The following COG5 variants were observed in gnomAD, a reference collection of about 807,000 sequenced individuals.
COG5 encodes component of oligomeric golgi complex 5.
Under a neutral mutation model 110.4 loss-of-function variants are expected in COG5, and 86 were observed. The ratio of observed to expected loss-of-function variants is 0.78; its 90% confidence interval spans 0.65 to 0.93. The LOEUF (loss-of-function observed/expected upper bound fraction) is 0.93, where lower values mean the gene tolerates loss of function less well. Ranked by LOEUF, COG5 falls within the 40% of genes least tolerant of loss-of-function variation. COG5 has a pLI of 0.00. For missense variants in COG5, 1,077 were observed against 987.0 expected, an observed-to-expected ratio of 1.09 and a Z score of -1.22; for synonymous variants, 360 against 334.6, an observed-to-expected ratio of 1.08 and a Z score of -0.83.
chr7:107,216,625 A>T (rs1171650984), intron 19 of COG5, among the ~76,000 whole-genome samples: 1 of 152,256 alleles, frequency 6.6e-6, no homozygotes, highest in African/African-American at 2.4e-5. Flanking sequence ...ATATGTGGAA[A>T]TTAAACAACA....
At chr7:107,435,650 G>GA (rs989944298) in intron 6 of COG5, among the ~76,000 whole-genome samples, 10 of 149,658 alleles carry the variant, frequency 6.7e-5, no homozygotes, top group East Asian at 3.9e-4. Flanking sequence ...CTTTGTCCCA[G>GA]AAAAAAAAAG....
chr7:107,394,167 G>C (rs1156947225), intron 7 of COG5, among the ~76,000 whole-genome samples: 1 of 151,736 alleles, frequency 6.6e-6, no homozygotes, highest in Non-Finnish European at 1.5e-5. Flanking sequence ...GTTTCACTGT[G>C]TTAGCCAGCA....
At chr7:107,432,723 C>A (rs57010524) in intron 6 of COG5, among the ~76,000 whole-genome samples, 1 of 152,052 alleles carries the variant, frequency 6.6e-6, no homozygotes, top group East Asian at 1.9e-4. Flanking sequence ...TACATATATT[C>A]TACCATGTAC....
At position 107,327,045 on chromosome 7, in the gene COG5, A is replaced by G. The variant is rs143487605; in HGVS notation, c.1027-2524T>C. The stretch of plus-strand genomic sequence containing the variant: ...AATAAAACCCATCCAAATGGAAAAA[A>G]CCATATTACCAAGCTTCAGGAATCA... On this transcript the variant is annotated intron_variant, in intron 10 of 21. Transcript: ENST00000297135. Among the ~76,000 whole-genome samples the G allele has an allele frequency of 1.6e-3, 246 of 152,164 alleles. 1 individual carries two copies. The highest frequency in any genetic ancestry group is 5.6e-3 in the African/African-American group (231 of 41,508).
chr7:107,499,296 T>C (rs1798486201), intron 6 of COG5, among the ~76,000 whole-genome samples: 5 of 149,066 alleles, frequency 3.4e-5, no homozygotes, highest in African/African-American at 1.0e-4. Context: ...GTAGATCTCA[T>C]ATTAAGCGTA....
At chr7:107,227,768 G>A (rs1383276031) in intron 19 of COG5, among the ~76,000 whole-genome samples, 2 of 152,072 alleles carry the variant, frequency 1.3e-5, no homozygotes, top group African/African-American at 4.8e-5. Flanking sequence ...CAGTGCAGTG[G>A]CACAATCTCG....
At chr7:107,424,853 T>C (rs10215540) in intron 6 of COG5, among the ~76,000 whole-genome samples, 8,410 of 152,224 alleles carry the variant, frequency 0.055, 516 homozygotes, top group African/African-American at 0.15. Flanking sequence ...TTCTTAATTA[T>C]GGATGCTAGA....
intron 7 of COG5, among the ~76,000 whole-genome samples, chr7:107,380,267 A>T (rs1002562636): frequency 5.3e-5 from 8 of 152,216 alleles, no homozygotes; most frequent in African/African-American, 1.9e-4. Context: ...GAGAAGCAAG[A>T]GCAAACAAAT....
chr7:107,372,861 A>C, intron 7 of COG5, 101 bp from the exon 8 acceptor site: 1 of 1,005,234 alleles, frequency 9.9e-7, no homozygotes, highest in Admixed American at 2.5e-5. Flanking sequence ...CAGTCCTATC[A>C]TATTTAAATA....
At chr7:107,526,270 A>G (rs186246176) in intron 6 of COG5, among the ~76,000 whole-genome samples, 2 of 152,316 alleles carry the variant, frequency 1.3e-5, no homozygotes, top group East Asian at 3.9e-4. Flanking sequence ...CTTCAGAAAA[A>G]TAAGTGGGTA....
At chr7:107,287,182 T>C (rs531034468) in intron 12 of COG5, among the ~76,000 whole-genome samples, 4 of 152,328 alleles carry the variant, frequency 2.6e-5, no homozygotes, top group African/African-American at 7.2e-5. Context: ...TGAGTTCTGA[T>C]TGGTGAGTGT....
At chr7:107,560,552 T>C (rs969907702) in intron 1 of COG5, among the ~76,000 whole-genome samples, 1 of 152,176 alleles carries the variant, frequency 6.6e-6, no homozygotes, top group East Asian at 1.9e-4. Context: ...AAGATGAACA[T>C]AAACTTCTGC....
chr7:107,426,231 A>T (rs1451359085), intron 6 of COG5, among the ~76,000 whole-genome samples: 3 of 152,208 alleles, frequency 2.0e-5, no homozygotes, highest in African/African-American at 7.2e-5. Flanking sequence ...AGACACTGTT[A>T]TAAGAACCTG....
intron 2 of COG5, among the ~76,000 whole-genome samples, chr7:107,557,659 G>C (rs1465853587): frequency 6.6e-6 from 1 of 152,098 alleles, no homozygotes; most frequent in East Asian, 1.9e-4. Context: ...TATTCATATT[G>C]TTTTACTTCC....
intron 12 of COG5, among the ~76,000 whole-genome samples, chr7:107,295,140 T>C (rs1340269896): frequency 1.6e-5 from 2 of 125,380 alleles, no homozygotes; most frequent in Non-Finnish European, 3.2e-5. Context: ...TTTCACCATG[T>C]TGGCCAGGCT....
intron 11 of COG5, among the ~76,000 whole-genome samples, chr7:107,306,361 CA>C (rs1023877704): frequency 6.6e-6 from 1 of 151,934 alleles, no homozygotes; most frequent in African/African-American, 2.4e-5. Context: ...TTTTTAGAAG[CA>C]AATAAACATT....
intron 6 of COG5, among the ~76,000 whole-genome samples, chr7:107,447,930 T>C (rs1398612576): frequency 6.6e-6 from 1 of 152,004 alleles, no homozygotes; most frequent in African/African-American, 2.4e-5. Flanking sequence ...CTGAGGTGGG[T>C]GGATCACCTG....
chr7:107,286,691 T>C (rs1351019427), intron 12 of COG5, among the ~76,000 whole-genome samples: 1 of 152,232 alleles, frequency 6.6e-6, no homozygotes, highest in Non-Finnish European at 1.5e-5. Flanking sequence ...GGCCGTGACC[T>C]TTCTCAACGT....
chr7:107,274,189 G>C (rs1804503156), intron 14 of COG5, among the ~76,000 whole-genome samples: 1 of 152,206 alleles, frequency 6.6e-6, no homozygotes, highest in Non-Finnish European at 1.5e-5. Context: ...AGCTACTTGA[G>C]AGGCTGAGGC....
Sources: allele counts gnomAD v4.1 joint callset (sites outside exome capture counted in the v4.1 genomes callset), GRCh38; gene constraint gnomAD v4.1.1; transcripts MANE v1.5; gene names NCBI Gene and HGNC (gene_info 2026-07-23, HGNC 2026-07-21).